CABIN1: variants seen among roughly 807,000 people sequenced by gnomAD.
CABIN1 encodes the protein calcineurin-binding protein cabin-1.
CABIN1 carries 133 observed loss-of-function variants against 227.7 expected under a neutral mutation model. That is an observed-to-expected ratio of 0.58 (90% CI 0.51 to 0.67). The LOEUF is 0.67. Among genes scored for constraint, CABIN1 ranks in the 30% least tolerant of loss-of-function variants. The pLI, the probability that CABIN1 is intolerant of heterozygous loss-of-function variation, is 0.00. For synonymous variants in CABIN1, 1,086 were observed against 1,155.1 expected, an observed-to-expected ratio of 0.94 and a Z score of 1.21; for missense variants, 2,408 against 2,852.5, an observed-to-expected ratio of 0.84 and a Z score of 3.55.
Position 24,091,644 on chromosome 22 carries a change from G to T in CABIN1, c.3587G>T (p.Arg1196Leu). The change falls in exon 24 of 37, where the codon CGC (arginine) becomes CTC (leucine). Residue 1196 changes from arginine to leucine, a missense_variant. This residue lies in a region of CABIN1 where 649 missense variants were observed against 910.3 expected (regional missense o/e 0.71). Coordinates refer to ENST00000263119, the MANE Select transcript of CABIN1 (RefSeq NM_012295.4). ...AAGCACTGTTTCACATCAGCAGCCC[G>T]CTGCGAGGGTGATGGTGACGAGGAG... ...TAKHCFTSAA[R>L]CEGDGDEEEW... The T allele has an allele frequency of 1.2e-6, 2 of 1,614,242 alleles. No homozygotes were observed. The highest frequency in any genetic ancestry group is 1.7e-6 in the Non-Finnish European group (2 of 1,180,040).
At chr22:24,050,999 G>T (rs1002191695) in intron 8 of CABIN1, 25 bp downstream of exon 8, 2 of 1,613,790 alleles carry the variant, frequency 1.2e-6, no homozygotes, top group Admixed American at 3.3e-5. Flanking sequence ...GTCTCTGGGA[G>T]TGCTGGGTCG....
At chr22:24,077,550 C>A (rs1222949711) in intron 19 of CABIN1, among the ~76,000 whole-genome samples, 1 of 152,218 alleles carries the variant, frequency 6.6e-6, no homozygotes, top group African/African-American at 2.4e-5. Context: ...CTGAATGTCT[C>A]CCCTACCCCG....
At position 24,055,002 on chromosome 22, in the gene CABIN1, C is replaced by T; in HGVS notation, c.936C>T (p.Ser312=). ...AGGACCCCAGCCAGCCTCTTGAGTCCTCCATGGTGGTGACGCCAGTTAACG... is the reference window on the plus strand; with the variant it reads ...AGGACCCCAGCCAGCCTCTTGAGTCTTCCATGGTGGTGACGCCAGTTAACG... ...DYQDPSQPLE[S]SMVVTPVNVI... is the part of the protein sequence containing the mutation. Residue 312 remains serine, a synonymous_variant, in exon 9 of 37, where the codon TCC becomes TCT. Transcript: ENST00000263119. 6.2e-7 allele frequency: 1 copy of T among 1,614,228 alleles called. No homozygotes were observed. Among genetic ancestry groups the T allele is most frequent in the Non-Finnish European group, 8.5e-7 (1 of 1,180,048 alleles).
At chr22:24,051,304 G>C (rs1325482447) in intron 8 of CABIN1, among the ~76,000 whole-genome samples, 1 of 152,134 alleles carries the variant, frequency 6.6e-6, no homozygotes, top group Non-Finnish European at 1.5e-5. Flanking sequence ...GCACTTGCCA[G>C]GAGGAAACTG....
At chr22:24,070,182 G>A (rs1417177860) in intron 16 of CABIN1, among the ~76,000 whole-genome samples, 1 of 152,220 alleles carries the variant, frequency 6.6e-6, no homozygotes, top group African/African-American at 2.4e-5. Context: ...CAGGCACTGT[G>A]CTGAGTGTAA....
chr22:24,177,385 C>A lies in CABIN1; in HGVS notation c.6206-119C>A. The A allele has an allele frequency of 3.3e-6, 3 of 914,794 alleles. No individual in the cohort carries two copies. The highest frequency in any genetic ancestry group is 4.9e-6 in the Non-Finnish European group (3 of 610,708). 56.7% of individuals were successfully genotyped at this position (914,794 alleles called of 1,614,324 possible). A position where few individuals can be genotyped will look rare whatever the true frequency, so the allele number is the denominator to read the frequency against. On this transcript the variant is annotated intron_variant, in intron 35 of 36. Coordinates refer to ENST00000263119, the MANE Select transcript of CABIN1 (RefSeq NM_012295.4). This position sits in a 1 kb window ranked among gnomAD's most constrained non-coding sequence, Gnocchi z 4.4. ...GGGTAGAAGCCTTGGAGCCTGCCAGCCAGCACAAACTACACAGCATAAAGG... is the reference window on the plus strand; with the variant it reads ...GGGTAGAAGCCTTGGAGCCTGCCAGACAGCACAAACTACACAGCATAAAGG...
intron 20 of CABIN1, among the ~76,000 whole-genome samples, chr22:24,084,176 C>T (rs1442452125): frequency 6.6e-6 from 1 of 152,128 alleles, no homozygotes; most frequent in African/African-American, 2.4e-5. Flanking sequence ...TAATGTCTGT[C>T]TTTCTACAGA....
At position 24,063,158 on chromosome 22, in the gene CABIN1, G is replaced by T; in HGVS notation, c.1884+12G>T. Reference sequence around the variant, plus strand: ...TCCTGGCGCTGCAGGTTAGTTCCATGGTCAGCTGCTTGGGGAGCATGCCCT... The same window carrying T: ...TCCTGGCGCTGCAGGTTAGTTCCATTGTCAGCTGCTTGGGGAGCATGCCCT... On this transcript the variant is annotated intron_variant, in intron 14 of 36. Transcript: ENST00000263119. The T allele has an allele frequency of 6.2e-7, 1 of 1,613,814 alleles. No individual in the cohort carries two copies. The highest frequency in any genetic ancestry group is 8.5e-7 in the Non-Finnish European group (1 of 1,179,786).
At chr22:24,029,993 G>A (rs2036381325) in intron 1 of CABIN1, among the ~76,000 whole-genome samples, 2 of 152,190 alleles carry the variant, frequency 1.3e-5, no homozygotes, top group South Asian at 2.1e-4. Context: ...TATAAAATGG[G>A]AGCTGGTCTT....
At chr22:24,070,090 C>G (rs1441121802) in intron 16 of CABIN1, among the ~76,000 whole-genome samples, 1 of 150,074 alleles carries the variant, frequency 6.7e-6, no homozygotes, top group African/African-American at 2.4e-5. Flanking sequence ...AGGAGCTTTG[C>G]GAAAAGCAGT....
At chr22:24,097,241 A>G (rs1035463787) in intron 25 of CABIN1, among the ~76,000 whole-genome samples, 2 of 152,256 alleles carry the variant, frequency 1.3e-5, no homozygotes, top group Non-Finnish European at 2.9e-5. Context: ...ACATTCAGGT[A>G]GTATATAAAC....
intron 26 of CABIN1, among the ~76,000 whole-genome samples, chr22:24,100,315 G>A (rs1429479795): frequency 1.3e-5 from 2 of 152,216 alleles, no homozygotes; most frequent in Non-Finnish European, 2.9e-5. Context: ...AGAAAGCAGT[G>A]TCTGCAACAT....
At chr22:24,127,432 G>A (rs994750374) in intron 28 of CABIN1, among the ~76,000 whole-genome samples, 1 of 152,246 alleles carries the variant, frequency 6.6e-6, no homozygotes, top group Non-Finnish European at 1.5e-5. Flanking sequence ...TGGAGAAGAA[G>A]TCAGTGTGGC....
At position 24,063,072 on chromosome 22, in the gene CABIN1, G is replaced by T. The variant is rs762993278; in HGVS notation, c.1810G>T (p.Asp604Tyr). The T allele has an allele frequency of 6.2e-7, 1 of 1,614,196 alleles. No homozygotes were observed. Residue 604 changes from aspartate to tyrosine, a missense_variant, in exon 14 of 37, where the codon GAC becomes TAC. Asp to Tyr is a radical substitution (Grantham distance 160). Around this residue, in one of 3 missense-constraint regions of CABIN1, gnomAD observed 1,045 missense variants for 1,168.4 expected, o/e 0.89. Transcript: ENST00000263119. ...GCTGTCATTTGCCTCGTCCCAGCGC[G>T]ACCTGTTCGAGGATGGTTGGCTGGA... Reference protein sequence around the residue: ...LQLSFASSQRDLFEDGWLEFV... With the variant: ...LQLSFASSQRYLFEDGWLEFV...
At position 24,170,752 on chromosome 22, in the gene CABIN1, G is replaced by GCCC. The variant is rs71320752; in HGVS notation, c.5758-952_5758-950dup. Among the ~76,000 whole-genome samples, 794 of 116,562 alleles carry GCCC rather than the reference G, an allele frequency of 6.8e-3. 87 individuals carry two copies. Among genetic ancestry groups the GCCC allele is most frequent in the African/African-American group, 0.019 (527 of 28,086 alleles). 76.5% of individuals were successfully genotyped at this position (116,562 alleles called of 152,430 possible). A position where few individuals can be genotyped will look rare whatever the true frequency, so the allele number is the denominator to read the frequency against. ...ACAGGGTCATCGGTGGTAGCAAACTGCCCCCCCCCCCGCCCCCATGCACTG... is the reference window on the plus strand; with the variant it reads ...ACAGGGTCATCGGTGGTAGCAAACTGCCCCCCCCCCCCCCGCCCCCATGCACTG... On this transcript the variant is annotated intron_variant, in intron 33 of 36. Transcript: ENST00000263119.
chr22:24,056,428 T>G, intron 10 of CABIN1, 68 bp downstream of exon 10: 1 of 1,502,026 alleles, frequency 6.7e-7, no homozygotes, highest in Non-Finnish European at 9.3e-7. Context: ...ATCAGTAACA[T>G]TTCTCATTCC....
At chr22:24,110,678 A>G (rs540048855) in intron 26 of CABIN1, among the ~76,000 whole-genome samples, 2 of 152,032 alleles carry the variant, frequency 1.3e-5, no homozygotes, top group Non-Finnish European at 2.9e-5. Context: ...TTCACTGAGT[A>G]TAGAATCTTG....
Position 24,083,357 on chromosome 22 carries a change from G to A in CABIN1, c.2878G>A (p.Ala960Thr). ...CAGCTTCCCCAGCAAGAAGAGTAAG[G>A]CCAGGTACCTGGAGGAACACTCGGC... Reference protein sequence around the residue: ...LYSFPSKKSKARYLEEHSAQQ... With the variant: ...LYSFPSKKSKTRYLEEHSAQQ... Residue 960 changes from alanine to threonine, a missense_variant, in exon 20 of 37, where the codon GCC (alanine) becomes ACC (threonine). Around this residue, in one of 3 missense-constraint regions of CABIN1, gnomAD observed 649 missense variants for 910.3 expected, o/e 0.71. Transcript: ENST00000263119. 1 of 1,613,964 alleles carries A rather than the reference G, an allele frequency of 6.2e-7. No homozygotes were observed. The highest frequency in any genetic ancestry group is 8.5e-7 in the Non-Finnish European group (1 of 1,180,028).
intron 1 of CABIN1, among the ~76,000 whole-genome samples, chr22:24,032,829 C>A (rs1422410830): frequency 2.0e-5 from 3 of 152,172 alleles, no homozygotes; most frequent in Admixed American, 1.3e-4. Flanking sequence ...GTAATCCCAG[C>A]ACTTTGGAAG....
Sources: allele counts gnomAD v4.1 joint callset (sites outside exome capture counted in the v4.1 genomes callset), GRCh38; gene constraint gnomAD v4.1.1; regional missense constraint gnomAD v4.1.1; non-coding constraint Gnocchi (gnomAD v3.1); transcripts MANE v1.5; gene names NCBI Gene and HGNC (gene_info 2026-07-23, HGNC 2026-07-21).